The following PDE1A variants were observed in gnomAD, a reference collection of about 807,000 sequenced individuals.
PDE1A encodes the protein dual specificity calcium/calmodulin-dependent 3',5'-cyclic nucleotide phosphodiesterase 1A.
PDE1A carries 35 observed loss-of-function variants against 61.7 expected under a neutral mutation model. That is an observed-to-expected ratio of 0.57 (90% CI 0.43 to 0.75). The LOEUF is 0.75. Ranked by LOEUF, PDE1A falls within the 30% of genes least tolerant of loss-of-function variation. The pLI is 0.00. For missense variants in PDE1A, 597 were observed against 630.6 expected (o/e 0.95, Z 0.57); for synonymous variants, 232 against 213.2 (o/e 1.09, Z -0.77).
chr2:182,208,261 T>G (rs561707108), intron 7 of PDE1A, among the ~76,000 whole-genome samples: 3 of 152,080 alleles, frequency 2.0e-5, no homozygotes, highest in Non-Finnish European at 2.9e-5. Context: ...CTTACAGTTC[T>G]GCATGGCTGG....
At chr2:182,509,445 C>T (rs1305672511) in intron 2 of PDE1A, among the ~76,000 whole-genome samples, 1 of 152,100 alleles carries the variant, frequency 6.6e-6, no homozygotes, top group Non-Finnish European at 1.5e-5. Flanking sequence ...AACAAGAGAA[C>T]AGCTTTTAAT....
chr2:182,596,254 T>G, the PDE1A span, among the ~76,000 whole-genome samples: 2 of 152,166 alleles, frequency 1.3e-5, no homozygotes, highest in African/African-American at 4.8e-5. Flanking sequence ...CATGGGTGTT[T>G]TGCAGCAAGC....
the PDE1A span, among the ~76,000 whole-genome samples, chr2:182,657,723 T>C: frequency 6.6e-6 from 1 of 152,210 alleles, no homozygotes; most frequent in Non-Finnish European, 1.5e-5. Flanking sequence ...AGTGAAATTT[T>C]AGACATTAGT....
intron 7 of PDE1A, among the ~76,000 whole-genome samples, chr2:182,207,252 G>A (rs894501832): frequency 6.6e-6 from 1 of 152,186 alleles, no homozygotes; most frequent in African/African-American, 2.4e-5. Flanking sequence ...CTAGGTTGAG[G>A]ACGTCTTAGG....
chr2:182,591,159 G>A, the PDE1A span, among the ~76,000 whole-genome samples: 1 of 152,130 alleles, frequency 6.6e-6, no homozygotes, highest in Non-Finnish European at 1.5e-5. Context: ...CAATCATTAG[G>A]ATACTTTGAT....
the PDE1A span, among the ~76,000 whole-genome samples, chr2:182,557,737 A>T: frequency 1.3e-5 from 2 of 151,824 alleles, no homozygotes; most frequent in African/African-American, 2.4e-5. Flanking sequence ...AAATAAAAAT[A>T]AATAAATAAA....
chr2:182,226,963 C>T (rs2125625275), intron 6 of PDE1A, among the ~76,000 whole-genome samples: 1 of 152,022 alleles, frequency 6.6e-6, no homozygotes, highest in East Asian at 1.9e-4. Flanking sequence ...CTTAAAACCA[C>T]TTTATAAGAT....
chr2:182,163,186 G>C (rs916044692), downstream of PDE1A, among the ~76,000 whole-genome samples: 2 of 152,122 alleles, frequency 1.3e-5, no homozygotes, highest in Non-Finnish European at 2.9e-5. Flanking sequence ...AATTGCAACT[G>C]CTACACCCAA....
At chr2:182,537,038 A>G in the PDE1A span, among the ~76,000 whole-genome samples, 1 of 152,234 alleles carries the variant, frequency 6.6e-6, no homozygotes, top group Non-Finnish European at 1.5e-5. Flanking sequence ...ATGCAATATC[A>G]TAAAACACCC....
At chr2:182,198,432 C>G (rs1325737846) in intron 10 of PDE1A, among the ~76,000 whole-genome samples, 1 of 151,776 alleles carries the variant, frequency 6.6e-6, no homozygotes, top group Admixed American at 6.6e-5. Context: ...CTATAATGAT[C>G]TTAGAATAAA....
At chr2:182,235,799 G>A (rs978897972) in intron 3 of PDE1A, among the ~76,000 whole-genome samples, 2 of 152,272 alleles carry the variant, frequency 1.3e-5, no homozygotes, top group South Asian at 2.1e-4. Flanking sequence ...AAATATGGTC[G>A]ATGTAAGAAA....
At chr2:182,270,620 C>T (rs1171439815) in intron 1 of PDE1A, among the ~76,000 whole-genome samples, 1 of 150,856 alleles carries the variant, frequency 6.6e-6, no homozygotes, top group Non-Finnish European at 1.5e-5. Context: ...TCAACGTTCC[C>T]ACTTGTGATC....
chr2:182,242,465 G>A (rs998307053), intron 2 of PDE1A, among the ~76,000 whole-genome samples: 3 of 151,256 alleles, frequency 2.0e-5, no homozygotes, highest in African/African-American at 4.9e-5. Flanking sequence ...ACTTGAAAAG[G>A]GAATCTTGAA....
chr2:182,313,275 G>A (rs1300722032), intron 1 of PDE1A, among the ~76,000 whole-genome samples: 1 of 152,118 alleles, frequency 6.6e-6, no homozygotes, highest in African/African-American at 2.4e-5. Flanking sequence ...TTAGCCAGGT[G>A]TGGTGGTGGG....
chr2:182,666,925 G>A, the PDE1A span, among the ~76,000 whole-genome samples: 1 of 152,080 alleles, frequency 6.6e-6, no homozygotes, highest in Non-Finnish European at 1.5e-5. Context: ...CACGGTCTAG[G>A]TACTTCCTTT....
chr2:182,633,242 T>G, the PDE1A span, among the ~76,000 whole-genome samples: 1 of 152,188 alleles, frequency 6.6e-6, no homozygotes, highest in Admixed American at 6.6e-5. Flanking sequence ...AACGATTGCA[T>G]GGACAATCTG....
At chr2:182,708,072 T>C in the PDE1A span, among the ~76,000 whole-genome samples, 1 of 152,208 alleles carries the variant, frequency 6.6e-6, no homozygotes, top group Non-Finnish European at 1.5e-5. Flanking sequence ...CTATTTACCC[T>C]GATTTGATCA....
At chr2:182,626,816 T>TATATATAC in the PDE1A span, among the ~76,000 whole-genome samples, 8 of 23,200 alleles carry the variant, frequency 3.4e-4, 1 homozygote, top group East Asian at 1.0e-2. Flanking sequence ...TATATATACA[T>TATATATAC]ATATATATAC....
intron 13 of PDE1A, among the ~76,000 whole-genome samples, chr2:182,162,631 C>T (rs1691443281): frequency 6.6e-6 from 1 of 152,142 alleles, no homozygotes. Flanking sequence ...TCTTATACTT[C>T]CCCAAAGGGA....
Sources: gnomAD v4.1 joint callset for allele counts (sites outside exome capture counted in the v4.1 genomes callset) on GRCh38, gnomAD v4.1.1 for gene constraint, MANE v1.5 for transcripts, NCBI Gene and HGNC (gene_info 2026-07-23, HGNC 2026-07-21) for gene names.